RGS7: variants seen among roughly 807,000 people sequenced by gnomAD.
The protein encoded by RGS7 is regulator of G-protein signaling 7.
RGS7 carries 27 observed loss-of-function variants against 81.1 expected under a neutral mutation model. That is an observed-to-expected ratio of 0.33 (90% confidence interval 0.25 to 0.46). The LOEUF (loss-of-function observed/expected upper bound fraction) is 0.46, where lower values mean the gene tolerates loss of function less well. Ranked by LOEUF, RGS7 falls within the 20% of genes least tolerant of loss-of-function variation. The probability of loss-of-function intolerance (pLI) is 1.00; values close to 1 mark genes in which losing one functional copy is unlikely to be tolerated. For synonymous variants in RGS7, 208 were observed against 207.7 expected (o/e 1.00, Z -0.01); for missense variants, 396 against 607.4 (o/e 0.65, Z 3.66).
intron 2 of RGS7, among the ~76,000 whole-genome samples, chr1:241,170,763 C>A (rs534970100): frequency 4.7e-4 from 71 of 152,280 alleles, no homozygotes; most frequent in African/African-American, 1.7e-3. Context: ...AGCACAAACA[C>A]AAAATCACCC....
chr1:241,248,423 T>A (rs1302580628), intron 2 of RGS7, among the ~76,000 whole-genome samples: 2 of 148,422 alleles, frequency 1.3e-5, no homozygotes, highest in African/African-American at 4.9e-5. Context: ...CATATATATA[T>A]AATCAAATAA....
chr1:240,856,380 G>T (rs1235113290), intron 9 of RGS7, among the ~76,000 whole-genome samples: 1 of 152,080 alleles, frequency 6.6e-6, no homozygotes, highest in African/African-American at 2.4e-5. Context: ...AGTCACTGGG[G>T]CAGTATTTTT....
intron 1 of RGS7, 134 bp downstream of exon 1, chr1:241,356,765 G>A (rs1207363451): frequency 2.7e-5 from 4 of 149,496 alleles, no homozygotes; most frequent in Non-Finnish European, 4.5e-5. Context: ...CCCAGCCCCG[G>A]CGCGGGGCTC....
At chr1:240,789,213 G>C (rs575959091) in intron 18 of RGS7, among the ~76,000 whole-genome samples, 1 of 152,122 alleles carries the variant, frequency 6.6e-6, no homozygotes, top group Non-Finnish European at 1.5e-5. Context: ...CAATACCCTT[G>C]TGATTTCCTA....
At chr1:241,222,561 T>G (rs946884299) in intron 2 of RGS7, among the ~76,000 whole-genome samples, 1 of 152,184 alleles carries the variant, frequency 6.6e-6, no homozygotes, top group East Asian at 1.9e-4. Context: ...AGCAGAGCTC[T>G]TGAGCTATAT....
chr1:240,969,598 A>T (rs1188185291), intron 4 of RGS7, among the ~76,000 whole-genome samples: 2 of 152,212 alleles, frequency 1.3e-5, no homozygotes, highest in East Asian at 3.8e-4. Flanking sequence ...AATAGCTGAC[A>T]ACTCTAATAA....
At chr1:241,238,697 G>C (rs1166665216) in intron 2 of RGS7, among the ~76,000 whole-genome samples, 2 of 152,000 alleles carry the variant, frequency 1.3e-5, no homozygotes, top group African/African-American at 4.8e-5. Flanking sequence ...ACCAGGCCCG[G>C]CTACTAAGCT....
intron 2 of RGS7, among the ~76,000 whole-genome samples, chr1:241,122,435 G>A (rs1195199167): frequency 6.6e-6 from 1 of 152,056 alleles, no homozygotes; most frequent in Non-Finnish European, 1.5e-5. Context: ...TGCTCAAGCT[G>A]GTGGATCACC....
At chr1:241,089,849 CA>C (rs368555166) in intron 3 of RGS7, among the ~76,000 whole-genome samples, 6 of 151,800 alleles carry the variant, frequency 4.0e-5, no homozygotes, top group Non-Finnish European at 7.4e-5. Context: ...ACTAAAAATA[CA>C]AAAAAATTAG....
chr1:241,074,084 A>G (rs1424821590), intron 3 of RGS7, among the ~76,000 whole-genome samples: 1 of 152,080 alleles, frequency 6.6e-6, no homozygotes, highest in Non-Finnish European at 1.5e-5. Flanking sequence ...TATTTTTAGT[A>G]GAGATGGGGT....
chr1:241,188,793 G>A (rs969717485), intron 2 of RGS7, among the ~76,000 whole-genome samples: 5 of 152,132 alleles, frequency 3.3e-5, no homozygotes, highest in African/African-American at 1.2e-4. Context: ...ACTTATTTAG[G>A]AAGAGAAGTA....
At chr1:240,922,970 G>C (rs1673828715) in intron 6 of RGS7, among the ~76,000 whole-genome samples, 1 of 151,984 alleles carries the variant, frequency 6.6e-6, no homozygotes, top group African/African-American at 2.4e-5. Flanking sequence ...TTCTTCAATG[G>C]GTGACTGGAT....
At chr1:241,274,294 A>G (rs752809219) in intron 2 of RGS7, among the ~76,000 whole-genome samples, 1 of 152,222 alleles carries the variant, frequency 6.6e-6, no homozygotes, top group Non-Finnish European at 1.5e-5. Context: ...TTTGTTGGAT[A>G]TGTAAAAAGA....
At chr1:240,963,677 A>C (rs1035067503) in intron 4 of RGS7, among the ~76,000 whole-genome samples, 6 of 152,192 alleles carry the variant, frequency 3.9e-5, no homozygotes, top group Admixed American at 1.3e-4. Flanking sequence ...CTGAGAAATA[A>C]ACTTGAGAGA....
At chr1:240,809,669 G>A (rs989536546) in intron 14 of RGS7, among the ~76,000 whole-genome samples, 1 of 152,108 alleles carries the variant, frequency 6.6e-6, no homozygotes, top group Non-Finnish European at 1.5e-5. Flanking sequence ...TTGGTGGTTG[G>A]ATGTGTGATG....
At chr1:240,920,329 G>A (rs557650260) in intron 6 of RGS7, 4 of 1,512,018 alleles carry the variant, frequency 2.6e-6, no homozygotes, top group African/African-American at 1.4e-5. Flanking sequence ...GGTCATGGTG[G>A]CTTTGGTGGC....
Position 241,271,936 on chromosome 1 carries a change from C to T in RGS7, c.78+83763G>A, listed in dbSNP as rs2077925845. Among the ~76,000 whole-genome samples the T allele has an allele frequency of 6.8e-6, 1 of 146,326 alleles. No homozygotes were observed. The highest frequency in any genetic ancestry group is 2.5e-5 in the African/African-American group (1 of 39,460). The stretch of plus-strand genomic sequence containing the variant: ...GTGTGTGTGTGTGTGTGTGTGTAGA[C>T]ACACTATTGGTTCTGTTTCTCTGGA... On this transcript the variant is annotated intron_variant, in intron 2 of 18. Transcript: ENST00000440928. This position sits in a 1 kb window ranked among gnomAD's most constrained non-coding sequence, Gnocchi z 4.6.
intron 9 of RGS7, among the ~76,000 whole-genome samples, chr1:240,867,148 C>T (rs78024409): frequency 0.025 from 3,810 of 152,310 alleles, 58 homozygotes; most frequent in Middle Eastern, 0.041. Flanking sequence ...TCAGTTGATT[C>T]TCTTTGAATC....
chr1:241,083,099 C>T (rs2063231622), intron 3 of RGS7, among the ~76,000 whole-genome samples: 1 of 151,672 alleles, frequency 6.6e-6, no homozygotes, highest in Non-Finnish European at 1.5e-5. Context: ...GTGGTACCTG[C>T]TTGTAATCCC....
Sources: allele counts gnomAD v4.1 joint callset (sites outside exome capture counted in the v4.1 genomes callset), GRCh38; gene constraint gnomAD v4.1.1; non-coding constraint Gnocchi (gnomAD v3.1); transcripts MANE v1.5; gene names NCBI Gene and HGNC (gene_info 2026-07-23, HGNC 2026-07-21).